The following THNSL1 variants were observed in gnomAD, a reference collection of about 807,000 sequenced individuals.
The protein encoded by THNSL1 is threonine synthase-like 1.
Under a neutral mutation model 50.4 loss-of-function variants are expected in THNSL1, and 48 were observed. The ratio of observed to expected loss-of-function variants is 0.95; its 90% CI spans 0.76 to 1.21. The LOEUF is 1.21. THNSL1 is among the 50% of genes most tolerant of loss of function. The pLI is 0.00. For missense variants in THNSL1, 896 were observed against 871.7 expected (o/e 1.03, Z -0.35); for synonymous variants, 309 against 306.1 (o/e 1.01, Z -0.10).
In THNSL1 at chr10:25,024,227, G is replaced by T; in HGVS notation, c.1004G>T (p.Gly335Val). ...SKIAPVRHLSGNQFILELFHG... is the reference protein window; with the variant it reads ...SKIAPVRHLSVNQFILELFHG... ...ATTGCTCCTGTCAGGCACCTTTCAG[G>T]CAACCAGTTCATCCTGGAGTTGTTT... Residue 335 changes from glycine (G) to valine (V), a missense_variant, in exon 3 of 3, where the codon GGC becomes GTC. Transcript: ENST00000376356. The T allele has an allele frequency of 6.2e-7, 1 of 1,614,156 alleles. No homozygotes were observed. The highest frequency in any genetic ancestry group is 8.5e-7 in the Non-Finnish European group (1 of 1,180,026).
At chr10:24,976,641 C>G in the THNSL1 span, among the ~76,000 whole-genome samples, 1 of 152,034 alleles carries the variant, frequency 6.6e-6, no homozygotes, top group Non-Finnish European at 1.5e-5. Context: ...AGGTGCCTGC[C>G]ACCACACCCA....
chr10:25,009,785 TAA>T, the THNSL1 span, among the ~76,000 whole-genome samples: 1 of 152,146 alleles, frequency 6.6e-6, no homozygotes, highest in Non-Finnish European at 1.5e-5. Flanking sequence ...GATGGTTTTA[TAA>T]AGAGGCGTTC....
At chr10:24,957,403 T>A in the THNSL1 span, among the ~76,000 whole-genome samples, 4 of 152,240 alleles carry the variant, frequency 2.6e-5, no homozygotes, top group Non-Finnish European at 5.9e-5. Flanking sequence ...GTTTCCACTA[T>A]GTTTTTTTTC....
intron 1 of THNSL1, among the ~76,000 whole-genome samples, chr10:25,018,496 G>C (rs528042542): frequency 6.6e-6 from 1 of 152,244 alleles, no homozygotes; most frequent in South Asian, 2.1e-4. Context: ...AGACGGTACT[G>C]AACAAATATG....
the THNSL1 span, among the ~76,000 whole-genome samples, chr10:25,009,340 C>T: frequency 1.3e-5 from 2 of 152,008 alleles, no homozygotes; most frequent in Non-Finnish European, 1.5e-5. Flanking sequence ...ATTTTTATTA[C>T]ATTCATAGAG....
At chr10:24,954,564 A>G in the THNSL1 span, among the ~76,000 whole-genome samples, 21 of 152,298 alleles carry the variant, frequency 1.4e-4, no homozygotes, top group African/African-American at 5.1e-4. Context: ...TAGAAAGGCT[A>G]TTAGTTTAAA....
In THNSL1 at chr10:25,020,876, C is replaced by T. The variant is rs1469274927; in HGVS notation, c.-215-866C>T. 2.6e-5 allele frequency among the ~76,000 whole-genome samples: 4 copies of T among 152,048 alleles called. No homozygotes were observed. The East Asian group carries it at 7.7e-4, about 29-fold the overall frequency. ...CTGTAATGTTACAAGCAAAAGCTTC[C>T]TGAATAGGAGGTTAATCAGACTGTT... is the stretch of plus-strand genomic sequence containing the variant. On this transcript the variant is annotated intron_variant, in intron 1 of 2. Transcript: ENST00000376356.
rs765226752 is a variant in THNSL1 at position 25,023,407 on chromosome 10, G to C, written c.184G>C (p.Gly62Arg). 9.3e-6 allele frequency: 15 copies of C among 1,613,990 alleles called. No homozygotes were observed. The highest frequency in any genetic ancestry group is 1.1e-5 in the Non-Finnish European group (13 of 1,180,006). The change falls in exon 3 of 3, where the codon GGA becomes CGA. Residue 62 changes from glycine (G) to arginine (R), a missense_variant. Physicochemically the swap from Gly to Arg is moderately radical, Grantham distance 125. Transcript: ENST00000376356. ...TGGAGACAAAAATATTATCCTGATG[G>C]GACCTCCTGGTGCTGGGAAAACAAC... Reference protein sequence around the residue: ...LVGDKNIILMGPPGAGKTTVG... With the variant: ...LVGDKNIILMRPPGAGKTTVG...
At chr10:24,974,259 T>G in the THNSL1 span, among the ~76,000 whole-genome samples, 1 of 151,244 alleles carries the variant, frequency 6.6e-6, no homozygotes, top group Non-Finnish European at 1.5e-5. Context: ...TCTAGAACGC[T>G]TGAATTCTGA....
chr10:24,981,714 G>A, the THNSL1 span, among the ~76,000 whole-genome samples: 1 of 152,166 alleles, frequency 6.6e-6, no homozygotes, highest in Non-Finnish European at 1.5e-5. Flanking sequence ...ATCATGGAAT[G>A]GTTTAGCAAT....
the THNSL1 span, among the ~76,000 whole-genome samples, chr10:24,986,055 C>A: frequency 6.6e-6 from 1 of 152,108 alleles, no homozygotes; most frequent in Non-Finnish European, 1.5e-5. Context: ...AACAACAGAG[C>A]AGAGACCCTG....
At position 25,024,863 on chromosome 10, in the gene THNSL1, G is replaced by A. The variant is rs374906882; in HGVS notation, c.1640G>A (p.Gly547Glu). 6.2e-7 allele frequency: 1 copy of A among 1,613,880 alleles called. No homozygotes were observed. The highest frequency in any genetic ancestry group is 8.5e-7 in the Non-Finnish European group (1 of 1,180,030). The change falls in exon 3 of 3, where the codon GGA (glycine) becomes GAA (glutamate). Residue 547 changes from glycine (G) to glutamate (E), a missense_variant. Physicochemically the swap from Gly to Glu is moderately conservative, Grantham distance 98 (BLOSUM62 -2). Coordinates refer to ENST00000376356, the MANE Select transcript of THNSL1 (RefSeq NM_024838.5). ...GTTTTGACTGATTTTATAAAAACAG[G>A]ACATTATGATCTAAGGGAAAGAAAA... ...NHVLTDFIKT[G>E]HYDLRERKLA...
the THNSL1 span, among the ~76,000 whole-genome samples, chr10:24,967,731 TATG>T: frequency 6.6e-6 from 1 of 151,724 alleles, no homozygotes; most frequent in Non-Finnish European, 1.5e-5. Context: ...GATATGTGTG[TATG>T]ATGTGTGTAT....
chr10:24,999,543 G>A, the THNSL1 span: 4 of 1,602,920 alleles, frequency 2.5e-6, no homozygotes, highest in South Asian at 2.3e-5. Context: ...AAATGGATAT[G>A]TACCTAAAAT....
the THNSL1 span, chr10:24,999,304 A>G: frequency 1.8e-5 from 22 of 1,202,704 alleles, no homozygotes; most frequent in Admixed American, 5.4e-4. Context: ...TAAAGCTGCT[A>G]TCACCTGTGC....
At chr10:25,012,799 T>C (rs1850480521), upstream of THNSL1, among the ~76,000 whole-genome samples, 1 of 152,180 alleles carries the variant, frequency 6.6e-6, no homozygotes, top group South Asian at 2.1e-4. Context: ...AATGCTGAAA[T>C]GAGTTAAGAC....
At chr10:24,984,293 T>C in the THNSL1 span, 1 of 1,506,306 alleles carries the variant, frequency 6.6e-7, no homozygotes. Context: ...TTGGAGACAG[T>C]TTAGAGTAGC....
At chr10:25,008,517 C>A in the THNSL1 span, among the ~76,000 whole-genome samples, 1 of 152,126 alleles carries the variant, frequency 6.6e-6, no homozygotes, top group South Asian at 2.1e-4. Context: ...AGTATTGACA[C>A]TGAATAAAGC....
At chr10:24,985,035 T>C in the THNSL1 span, 12 of 775,654 alleles carry the variant, frequency 1.5e-5, no homozygotes, top group East Asian at 3.0e-4. Context: ...TAAAATGAAA[T>C]GTATTTATCA....
Sources: gnomAD v4.1 joint callset for allele counts (sites outside exome capture counted in the v4.1 genomes callset) on GRCh38, gnomAD v4.1.1 for gene constraint, MANE v1.5 for transcripts, NCBI Gene and HGNC (gene_info 2026-07-23, HGNC 2026-07-21) for gene names.